The following ATP13A5 variants were observed in gnomAD, a reference collection of about 807,000 sequenced individuals.
ATP13A5 encodes ATPase 13A5.
Under a neutral mutation model 150.2 loss-of-function variants are expected in ATP13A5, and 149 were observed. The ratio of observed to expected loss-of-function variants is 0.99; its 90% confidence interval spans 0.87 to 1.14. ATP13A5 has a LOEUF of 1.14. Among genes scored for constraint, ATP13A5 ranks in the 50% most tolerant of loss-of-function variants. The pLI, the probability that ATP13A5 is intolerant of heterozygous loss-of-function variation, is 0.00. For synonymous variants in ATP13A5, 497 were observed against 522.2 expected (o/e 0.95, Z 0.66); for missense variants, 1,383 against 1,449.3 (o/e 0.95, Z 0.74).
chr3:193,345,703 TTAAG>T (rs1712310091), intron 7 of ATP13A5, among the ~76,000 whole-genome samples: 1 of 152,140 alleles, frequency 6.6e-6, no homozygotes, highest in Non-Finnish European at 1.5e-5. Flanking sequence ...ATCTTGTCTA[TTAAG>T]TTAGGTTAAG....
intron 29 of ATP13A5, 85 bp from the exon 30 acceptor site, chr3:193,275,387 C>A: frequency 6.7e-7 from 1 of 1,481,762 alleles, no homozygotes; most frequent in Non-Finnish European, 9.2e-7. Flanking sequence ...CACCTCCTTT[C>A]CCCAGGCCTT....
chr3:193,305,546 A>C lies in ATP13A5; in HGVS notation c.2678+13T>G, dbSNP rs57141977. On this transcript the variant is annotated intron_variant, in intron 23 of 29. Transcript: ENST00000342358. ...CATTGATTGTAGGGCTGGAAGAGGA[A>C]AAAATGACTTACCTGATGAGATGAG... 13,669 of 1,609,624 alleles carry C rather than the reference A, an allele frequency of 8.5e-3. 685 individuals carry two copies. In the African/African-American group the frequency reaches 0.13, roughly 15 times the overall value.
chr3:193,366,515 G>A (rs1312277871), intron 1 of ATP13A5, among the ~76,000 whole-genome samples: 1 of 151,792 alleles, frequency 6.6e-6, no homozygotes, highest in East Asian at 1.9e-4. Flanking sequence ...GCAAAGGAAG[G>A]ATATTTCATA....
At chr3:193,281,818 T>G (rs1156941951) in intron 27 of ATP13A5, among the ~76,000 whole-genome samples, 3 of 152,096 alleles carry the variant, frequency 2.0e-5, no homozygotes, top group Non-Finnish European at 4.4e-5. Context: ...GGGTTTGAAT[T>G]TACCCACAAG....
At chr3:193,347,667 T>C (rs1402504183) in intron 7 of ATP13A5, among the ~76,000 whole-genome samples, 1 of 152,194 alleles carries the variant, frequency 6.6e-6, no homozygotes, top group Non-Finnish European at 1.5e-5. Flanking sequence ...GCTGTAGAGC[T>C]GGATTGGTTT....
chr3:193,339,273 C>T (rs1712022128), intron 9 of ATP13A5, among the ~76,000 whole-genome samples: 1 of 152,070 alleles, frequency 6.6e-6, no homozygotes, highest in Non-Finnish European at 1.5e-5. Flanking sequence ...TTGCCTTCTG[C>T]TAGCTTTTGA....
intron 12 of ATP13A5, among the ~76,000 whole-genome samples, chr3:193,329,334 CTG>C (rs1350946837): frequency 1.3e-5 from 2 of 152,050 alleles, no homozygotes; most frequent in African/African-American, 4.8e-5. Flanking sequence ...GTTTTTTGCA[CTG>C]TCACGTGTCA....
intron 7 of ATP13A5, among the ~76,000 whole-genome samples, chr3:193,348,370 A>G (rs1357722147): frequency 2.0e-5 from 3 of 152,178 alleles, no homozygotes; most frequent in Admixed American, 6.5e-5. Flanking sequence ...GTATTAACTC[A>G]GGTGCCTCTT....
At chr3:193,275,362 G>T (rs569769091) in intron 29 of ATP13A5, 60 bp from the exon 30 acceptor site, 48 of 1,575,172 alleles carry the variant, frequency 3.0e-5, no homozygotes, top group Admixed American at 2.1e-4. Flanking sequence ...CAGCCAGGCC[G>T]CTGGCCACCA....
At chr3:193,324,621 A>G (rs569802110) in intron 14 of ATP13A5, among the ~76,000 whole-genome samples, 44 of 152,340 alleles carry the variant, frequency 2.9e-4, no homozygotes, top group African/African-American at 1.0e-3. Flanking sequence ...GGCAGTCAAG[A>G]AATGAGTTTA....
At chr3:193,354,610 T>C (rs1470953953) in intron 5 of ATP13A5, among the ~76,000 whole-genome samples, 2 of 151,684 alleles carry the variant, frequency 1.3e-5, no homozygotes, top group Non-Finnish European at 2.9e-5. Flanking sequence ...CTCCAGCACC[T>C]AGGACAGGGC....
At chr3:193,306,287 A>G (rs989103294) in intron 22 of ATP13A5, among the ~76,000 whole-genome samples, 2 of 151,712 alleles carry the variant, frequency 1.3e-5, no homozygotes, top group Non-Finnish European at 2.9e-5. Context: ...ACTTTATGTT[A>G]GGGTTAGTTT....
intron 6 of ATP13A5, 151 bp from the exon 7 acceptor site, chr3:193,351,352 G>C: frequency 5.9e-6 from 6 of 1,008,808 alleles, no homozygotes; most frequent in Non-Finnish European, 7.2e-6. Flanking sequence ...TATTGATTTG[G>C]GTTGAGAAAA....
At chr3:193,327,603 T>C (rs1398903249) in intron 12 of ATP13A5, among the ~76,000 whole-genome samples, 1 of 152,212 alleles carries the variant, frequency 6.6e-6, no homozygotes, top group Non-Finnish European at 1.5e-5. Context: ...TAAATATTAA[T>C]TAATGCCCAT....
At chr3:193,343,190 A>T (rs1010829406) in intron 9 of ATP13A5, among the ~76,000 whole-genome samples, 3 of 152,184 alleles carry the variant, frequency 2.0e-5, no homozygotes, top group Non-Finnish European at 4.4e-5. Context: ...TGTAAGCATA[A>T]AAGACAAAGT....
chr3:193,305,842 A>G (rs112465263), intron 22 of ATP13A5, among the ~76,000 whole-genome samples, 174 bp from the exon 23 acceptor site: 1 of 152,214 alleles, frequency 6.6e-6, no homozygotes, highest in Middle Eastern at 3.4e-3. Context: ...CTGATCCACA[A>G]AGTCACTAAC....
intron 8 of ATP13A5, 149 bp downstream of exon 8, chr3:193,344,854 A>G (rs960112781): frequency 1.3e-6 from 1 of 752,874 alleles, no homozygotes; most frequent in East Asian, 2.7e-5. Context: ...TAAATTTTCT[A>G]TCTTAGAGGG....
At chr3:193,284,845 G>A in intron 27 of ATP13A5, 69 bp downstream of exon 27, 1 of 1,266,822 alleles carries the variant, frequency 7.9e-7, no homozygotes, top group Non-Finnish European at 1.1e-6. Flanking sequence ...CACCAGTGAG[G>A]TACAACTCTA....
chr3:193,284,856 G>T, intron 27 of ATP13A5, 58 bp downstream of exon 27: 3 of 1,365,676 alleles, frequency 2.2e-6, no homozygotes, highest in East Asian at 2.5e-5. Context: ...TACAACTCTA[G>T]GGTGAGAAAG....
Sources: gnomAD v4.1 joint callset for allele counts (sites outside exome capture counted in the v4.1 genomes callset) on GRCh38, gnomAD v4.1.1 for gene constraint, MANE v1.5 for transcripts, NCBI Gene and HGNC (gene_info 2026-07-23, HGNC 2026-07-21) for gene names.